The following SIGLEC10 variants were observed in gnomAD, a reference collection of about 807,000 sequenced individuals.
SIGLEC10 encodes sialic acid binding Ig like lectin 10, also known as sialic acid-binding Ig-like lectin 10.
In SIGLEC10, 45 loss-of-function variants were observed where a neutral mutation model predicts 68.3. The observed-to-expected ratio is 0.66, with a 90% confidence interval of 0.52 to 0.84. The LOEUF (loss-of-function observed/expected upper bound fraction) is 0.84, where lower values mean the gene tolerates loss of function less well. Among genes scored for constraint, SIGLEC10 ranks in the 40% least tolerant of loss-of-function variants. The pLI, the probability that SIGLEC10 is intolerant of heterozygous loss-of-function variation, is 0.00. For missense variants in SIGLEC10, 789 were observed against 883.1 expected (o/e 0.89, Z 1.35); for synonymous variants, 379 against 370.8 (o/e 1.02, Z -0.26).
In SIGLEC10 at chr19:51,410,547, G is replaced by C. The variant is rs552735872; in HGVS notation, c.*552C>G. 1 of 153,238 alleles carries C rather than the reference G, an allele frequency of 6.5e-6. No individual in the cohort carries two copies. Among genetic ancestry groups the C allele is most frequent in the African/African-American group, 2.4e-5 (1 of 41,516 alleles). 9.5% of individuals were successfully genotyped at this position (153,238 alleles called of 1,614,324 possible). A position where few individuals can be genotyped will look rare whatever the true frequency, so the allele number is the denominator to read the frequency against. ...TATGTTTTGTATTTTTTGTAGAGAT[G>C]GGGTTTCACCATGTTGCCCAGGCTG... On this transcript the variant is annotated 3_prime_UTR_variant, in exon 11 of 11. Transcript: ENST00000339313.
rs201145502 is a variant in SIGLEC10 at position 51,416,137 on chromosome 19, G to A, written c.785C>T (p.Pro262Leu). ...ALEPQPQGNV[P>L]YLEAQKGQFL... ...CTGGCCTTTTTGGGCTTCCAGGTAT[G>A]GGACATTTCCCTGGGGCTGGGGCTC... is the stretch of plus-strand genomic sequence containing the variant. Residue 262 changes from proline to leucine, a missense_variant, in exon 5 of 11, where the codon CCA (proline) becomes CTA (leucine). Coordinates refer to ENST00000339313, the MANE Select transcript of SIGLEC10 (RefSeq NM_033130.5). 7.2e-4 allele frequency: 1,161 copies of A among 1,608,488 alleles called. 9 individuals carry two copies. The highest frequency in any genetic ancestry group is 6.6e-3 in the South Asian group (597 of 90,740).
intron 3 of SIGLEC10, 125 bp downstream of exon 3, chr19:51,416,541 G>C: frequency 6.4e-7 from 1 of 1,569,568 alleles, no homozygotes; most frequent in East Asian, 2.3e-5. Flanking sequence ...CGGCATCCTG[G>C]GACCCCACAG....
In SIGLEC10 at chr19:51,415,975, C is replaced by T; in HGVS notation, c.947G>A (p.Gly316Glu). ...LGLELPGVKA[G>E]DSGRYTCRAE... Reference sequence around the variant, plus strand: ...TCGGCAGGTGTAGCGCCCTGAATCCCCAGCCTTCACCCCGGGCAGCTCCAG... The same window carrying T: ...TCGGCAGGTGTAGCGCCCTGAATCCTCAGCCTTCACCCCGGGCAGCTCCAG... Residue 316 changes from glycine to glutamate, a missense_variant, in exon 5 of 11, where the codon GGG becomes GAG. Transcript: ENST00000339313. 4 of 1,613,658 alleles carry T rather than the reference C, an allele frequency of 2.5e-6. No homozygotes were observed. The highest frequency in any genetic ancestry group is 3.4e-6 in the Non-Finnish European group (4 of 1,180,008).
rs145575844 is a variant in SIGLEC10, at chr19:51,417,262, C to G, written c.241G>C (p.Glu81Gln). ...APVATNHQSR[E>Q]VEMSTRGRFQ... ...CGGCCCCGGGTGCTCATTTCCACCT[C>G]TCGACTCTGGTGGTTTGTGGCCACA... The change falls in exon 2 of 11, where the codon GAG (glutamate) becomes CAG (glutamine). Residue 81 changes from glutamate to glutamine, a missense_variant. By Grantham distance (29) the Glu-to-Gln change is conservative. Coordinates refer to ENST00000339313, the MANE Select transcript of SIGLEC10 (RefSeq NM_033130.5). 1 of 1,614,246 alleles carries G rather than the reference C, an allele frequency of 6.2e-7. No individual in the cohort carries two copies. Among genetic ancestry groups the G allele is most frequent in the East Asian group, 2.2e-5 (1 of 44,892 alleles).
In SIGLEC10 at chr19:51,415,320, C is replaced by G; in HGVS notation, c.1191G>C (p.Gln397His). Residue 397 changes from glutamine to histidine, a missense_variant, in exon 7 of 11, where the codon CAG becomes CAC. Coordinates refer to ENST00000339313, the MANE Select transcript of SIGLEC10 (RefSeq NM_033130.5). ...PARLSWTQRG[Q>H]VLSPSQPSDP... Reference sequence around the variant, plus strand: ...CTGAGGGCTGGGAGGGGCTCAGAACCTGTCCCCTCTGGGTCCAGCTCAGCC... The same window carrying G: ...CTGAGGGCTGGGAGGGGCTCAGAACGTGTCCCCTCTGGGTCCAGCTCAGCC... The G allele has an allele frequency of 1.2e-6, 2 of 1,613,882 alleles. No homozygotes were observed. Among genetic ancestry groups the G allele is most frequent in the Non-Finnish European group, 1.7e-6 (2 of 1,179,876 alleles).
At position 51,416,791 on chromosome 19, in the gene SIGLEC10, G is replaced by A. The variant is rs1568501959; in HGVS notation, c.581C>T (p.Thr194Ile). Reference protein sequence around the residue: ...ALSSQGTKPTTSHFSVLSFTP... With the variant: ...ALSSQGTKPTISHFSVLSFTP... ...GAAGCTGAGCACTGAGAAGTGGGAG[G>A]TCGTTGGTTTGGTTCCTTGGGAGGA... The change falls in exon 3 of 11, where the codon ACC (threonine) becomes ATC (isoleucine). Residue 194 changes from threonine (T) to isoleucine (I), a missense_variant. Coordinates refer to ENST00000339313, the MANE Select transcript of SIGLEC10 (RefSeq NM_033130.5). 1.9e-6 allele frequency: 3 copies of A among 1,614,236 alleles called. 1 individual carries two copies. The highest frequency in any genetic ancestry group is 3.3e-5 in the Admixed American group (2 of 60,028).
chr19:51,410,817 T>A lies in SIGLEC10; in HGVS notation c.*282A>T, dbSNP rs575794834. The A allele has an allele frequency of 3.6e-6, 1 of 274,580 alleles. No homozygotes were observed. The highest frequency in any genetic ancestry group is 2.2e-5 in the African/African-American group (1 of 46,182). 17.0% of individuals were successfully genotyped at this position (274,580 alleles called of 1,614,324 possible). ...GCGCCTGCCACCATGCCCAGCTAAT[T>A]TTTGTATTTTTAGTAGAGACGGGGT... On this transcript the variant is annotated 3_prime_UTR_variant, in exon 11 of 11. Transcript: ENST00000339313.
In SIGLEC10 at chr19:51,416,002, C is replaced by T. The variant is rs371815585; in HGVS notation, c.920G>A (p.Gly307Glu). The T allele has an allele frequency of 2.9e-5, 46 of 1,613,456 alleles. No individual in the cohort carries two copies. The highest frequency in any genetic ancestry group is 3.7e-5 in the Non-Finnish European group (44 of 1,180,016). Residue 307 changes from glycine (G) to glutamate (E), a missense_variant, in exon 5 of 11, where the codon GGG becomes GAG. Coordinates refer to ENST00000339313, the MANE Select transcript of SIGLEC10 (RefSeq NM_033130.5). ...SSHPWGPRPL[G>E]LELPGVKAGD... The stretch of plus-strand genomic sequence containing the variant: ...AGCCTTCACCCCGGGCAGCTCCAGC[C>T]CCAGGGGTCTAGGGCCCCAGGGATG...
At position 51,413,716 on chromosome 19, in the gene SIGLEC10, G is replaced by T; in HGVS notation, c.1817C>A (p.Pro606His). The change falls in exon 10 of 11, where the codon CCC (proline) becomes CAC (histidine). Residue 606 changes from proline (P) to histidine (H), a missense_variant. By Grantham distance (77) the Pro-to-His change is moderately conservative. Coordinates refer to ENST00000339313, the MANE Select transcript of SIGLEC10 (RefSeq NM_033130.5). The part of the protein sequence containing the change: ...DYINVVPTAG[P>H]LAQKRNQKAT... ...AAGCATGGCCCAGACACTCACCAGG[G>T]GGCCAGCCGTCGGGACCACATTGAT... The T allele has an allele frequency of 6.2e-7, 1 of 1,613,934 alleles. No individual in the cohort carries two copies. The highest frequency in any genetic ancestry group is 1.1e-5 in the South Asian group (1 of 91,072).
rs1449447102 is a variant in SIGLEC10, at chr19:51,414,214, G to T, written c.1709+208C>A. 5.1e-6 allele frequency: 3 copies of T among 593,726 alleles called. No homozygotes were observed. The highest frequency in any genetic ancestry group is 6.0e-6 in the Non-Finnish European group (2 of 333,404). 36.8% of individuals were successfully genotyped at this position (593,726 alleles called of 1,614,324 possible). A position where few individuals can be genotyped will look rare whatever the true frequency, so the allele number is the denominator to read the frequency against. ...AATTACAAGAAACACTTCGCTTGGG[G>T]CGTGACTGCCCTCAGCATTCCCTCT... On this transcript the variant is annotated intron_variant, in intron 9 of 10. Transcript: ENST00000339313. This position sits in a 1 kb window ranked among gnomAD's most constrained non-coding sequence, Gnocchi z 4.1.
Position 51,411,232 on chromosome 19 carries a change from T to C in SIGLEC10, c.1961A>G (p.Gln654Arg). The C allele has an allele frequency of 6.2e-7, 1 of 1,614,074 alleles. No homozygotes were observed. Among genetic ancestry groups the C allele is most frequent in the Non-Finnish European group, 8.5e-7 (1 of 1,180,004 alleles). Residue 654 changes from glutamine to arginine, a missense_variant, in exon 11 of 11, where the codon CAA becomes CGA. By Grantham distance (43) the Gln-to-Arg change is conservative. Coordinates refer to ENST00000339313, the MANE Select transcript of SIGLEC10 (RefSeq NM_033130.5). The stretch of plus-strand genomic sequence containing the variant: ...TTGGCTCTCCTGGGATTCTGGGGCT[T>C]GAGTGGATGATTTGGGTTCTGGGAA... ...PSFPEPKSST[Q>R]APESQESQEE...
rs1258999925 is a variant in SIGLEC10 at position 51,414,285 on chromosome 19, G to A, written c.1709+137C>T. ...CAGTTGGACAACATTCTGCATTTATGAGAACAGTTTGCTGTTTACTCATGT... is the reference window on the plus strand; with the variant it reads ...CAGTTGGACAACATTCTGCATTTATAAGAACAGTTTGCTGTTTACTCATGT... On this transcript the variant is annotated intron_variant, in intron 9 of 10. Transcript: ENST00000339313. This position sits in a 1 kb window ranked among gnomAD's most constrained non-coding sequence, Gnocchi z 4.1. The A allele has an allele frequency of 2.8e-6, 2 of 704,360 alleles. No individual in the cohort carries two copies. Among genetic ancestry groups the A allele is most frequent in the Non-Finnish European group, 4.8e-6 (2 of 413,960 alleles). 43.6% of individuals were successfully genotyped at this position (704,360 alleles called of 1,614,324 possible).
chr19:51,413,825 T>G lies in SIGLEC10; in HGVS notation c.1710-2A>C. 6.2e-7 allele frequency: 1 copy of G among 1,613,636 alleles called. No individual in the cohort carries two copies. The highest frequency in any genetic ancestry group is 8.5e-7 in the Non-Finnish European group (1 of 1,179,592). On this transcript the variant is annotated splice_acceptor_variant, in intron 9 of 10. Transcript: ENST00000339313. LOFTEE classifies it high-confidence loss of function. ...CGTCTCTTCGGTAGAATCTTCATGCTGAGGAAATGAACCCACCTGTTTGTG... is the reference window on the plus strand; with the variant it reads ...CGTCTCTTCGGTAGAATCTTCATGCGGAGGAAATGAACCCACCTGTTTGTG...
rs762917922 is a variant in SIGLEC10 at position 51,414,954 on chromosome 19, G to T, written c.1485C>A (p.Thr495=). 6.2e-6 allele frequency: 10 copies of T among 1,613,984 alleles called. No individual in the cohort carries two copies. Among genetic ancestry groups the T allele is most frequent in the African/African-American group, 1.3e-5 (1 of 75,058 alleles). The change falls in exon 8 of 11, where the codon ACC becomes ACA. Residue 495 remains threonine (T), a synonymous_variant. Coordinates refer to ENST00000339313, the MANE Select transcript of SIGLEC10 (RefSeq NM_033130.5). This position sits in a 1 kb window ranked among gnomAD's most constrained non-coding sequence, Gnocchi z 4.1. ...GNSSQDSFEV[T]PSSAGPWANS... ...TGGCCCAGGGCCCGGCTGAGCTGGG[G>T]GTGACCTCGAAGGAGTCCTGGCTGC...
In SIGLEC10 at chr19:51,414,761, C is replaced by T; in HGVS notation, c.1615+63G>A. 6.2e-7 allele frequency: 1 copy of T among 1,604,742 alleles called. No homozygotes were observed. Among genetic ancestry groups the T allele is most frequent in the Non-Finnish European group, 8.5e-7 (1 of 1,176,634 alleles). ...CCAAGCTCCTGCTCCAACCACAGGA[C>T]CCTACTCTTTGCCCCAGTCAGCTTC... On this transcript the variant is annotated intron_variant, in intron 8 of 10. Transcript: ENST00000339313. The surrounding 1 kb of genome is among the most constrained non-coding windows in gnomAD (Gnocchi z 4.1).
chr19:51,416,249 C>T, intron 4 of SIGLEC10, 61 bp downstream of exon 4: 1 of 1,613,128 alleles, frequency 6.2e-7, no homozygotes. Context: ...ATCCCCTCAT[C>T]CCCTGAAGCC....
rs1183227179 is a variant in SIGLEC10 at position 51,410,964 on chromosome 19, A to AAGAGAGAG, written c.*127_*134dup. The AAGAGAGAG allele has an allele frequency of 9.3e-7, 1 of 1,072,650 alleles. No individual in the cohort carries two copies. Among genetic ancestry groups the AAGAGAGAG allele is most frequent in the Admixed American group, 2.5e-5 (1 of 40,810 alleles). 66.4% of individuals were successfully genotyped at this position (1,072,650 alleles called of 1,614,324 possible). ...GTGCCCTGGCCAGATGTTTTTTTAAAAGAGAGAGAAAGAGAGAGAGAGAGA... is the reference window on the plus strand; with the variant it reads ...GTGCCCTGGCCAGATGTTTTTTTAAAAGAGAGAGAGAGAGAGAAAGAGAGAGAGAGAGA... On this transcript the variant is annotated 3_prime_UTR_variant, in exon 11 of 11. Coordinates refer to ENST00000339313, the MANE Select transcript of SIGLEC10 (RefSeq NM_033130.5).
rs371515455 is a variant in SIGLEC10, at chr19:51,415,806, C to T, written c.1024+92G>A. 4.9e-4 allele frequency: 773 copies of T among 1,587,632 alleles called. 1 individual carries two copies. The African/African-American group carries it at 5.5e-3, about 11-fold the overall frequency. Reference sequence around the variant, plus strand: ...GAAGGTCGGTCTCCGAGGCCTGGGGCTCCAGGCCCCCTCAGCTCTGGGACC... The same window carrying T: ...GAAGGTCGGTCTCCGAGGCCTGGGGTTCCAGGCCCCCTCAGCTCTGGGACC... On this transcript the variant is annotated intron_variant, in intron 5 of 10. Transcript: ENST00000339313.
intron 3 of SIGLEC10, 84 bp downstream of exon 3, chr19:51,416,581 GA>G (rs1988691914): frequency 6.3e-7 from 1 of 1,594,248 alleles, no homozygotes; most frequent in South Asian, 1.1e-5. Flanking sequence ...CCTGAGCTGG[GA>G]GCCGCTCACT....
Sources: allele counts gnomAD v4.1 joint callset, GRCh38; gene constraint gnomAD v4.1.1; non-coding constraint Gnocchi (gnomAD v3.1); transcripts MANE v1.5; gene names NCBI Gene and HGNC (gene_info 2026-07-23, HGNC 2026-07-21).